Variants in STPG4 observed in about 807,000 individuals in gnomAD.
STPG4 encodes sperm-tail PG-rich repeat containing 4.
A neutral mutation model predicts 31.5 loss-of-function variants in STPG4; 41 were observed. The ratio of observed to expected loss-of-function variants is 1.30; its 90% CI spans 1.01 to 1.69. The LOEUF (loss-of-function observed/expected upper bound fraction) is 1.69. Ranked by LOEUF, STPG4 falls within the 40% of genes most tolerant of loss-of-function variation. The pLI, the probability that STPG4 is intolerant of heterozygous loss-of-function variation, is 0.00. For synonymous variants in STPG4, 141 were observed against 103.0 expected (o/e 1.37, Z -2.24); for missense variants, 375 against 293.4 (o/e 1.28, Z -2.03).
At chr2:47,102,288 T>C (rs150974172) in intron 5 of STPG4, among the ~76,000 whole-genome samples, 4,269 of 151,928 alleles carry the variant, frequency 0.028, 130 homozygotes, top group African/African-American at 0.054. Context: ...CGGGCGGTTT[T>C]GTCTTTCAGA....
In STPG4 at chr2:47,111,912, A is replaced by C. The variant is rs192268147; in HGVS notation, c.519+18029T>G. Reference sequence around the variant, plus strand: ...CAAATTCCTTACCAGTTGTTTCTCCACCTACACTGGGGGACAAAATATAAT... The same window carrying C: ...CAAATTCCTTACCAGTTGTTTCTCCCCCTACACTGGGGGACAAAATATAAT... On this transcript the variant is annotated intron_variant, in intron 5 of 6. Coordinates refer to ENST00000445927, the MANE Select transcript of STPG4 (RefSeq NM_001163561.2). Among the ~76,000 whole-genome samples, 21 of 152,310 alleles carry C rather than the reference A, an allele frequency of 1.4e-4. No homozygotes were observed. The East Asian group carries it at 4.0e-3, about 29-fold the overall frequency.
intron 5 of STPG4, among the ~76,000 whole-genome samples, chr2:47,104,873 G>A (rs1685873531): frequency 6.6e-6 from 1 of 151,748 alleles, no homozygotes; most frequent in African/African-American, 2.4e-5. Context: ...TTAGCCAGAG[G>A]GGCCAGGGCC....
intron 3 of STPG4, among the ~76,000 whole-genome samples, chr2:47,145,073 T>C (rs1686792636): frequency 6.6e-6 from 1 of 152,184 alleles, no homozygotes; most frequent in Admixed American, 6.5e-5. Context: ...AACAATATAG[T>C]AGGAAATTAC....
intron 6 of STPG4, among the ~76,000 whole-genome samples, chr2:47,087,769 G>C (rs1685484860): frequency 6.6e-6 from 1 of 151,934 alleles, no homozygotes; most frequent in Non-Finnish European, 1.5e-5. Context: ...ATTTTTTTGA[G>C]ACAGAGTCTC....
At chr2:47,100,810 G>A (rs1027206644) in intron 5 of STPG4, among the ~76,000 whole-genome samples, 1 of 151,692 alleles carries the variant, frequency 6.6e-6, no homozygotes, top group Non-Finnish European at 1.5e-5. Context: ...CTTCACTCCT[G>A]AGCCAGTGAT....
chr2:47,101,039 GTGAGACCATCGCCGAGCAA>G (rs920054119), intron 5 of STPG4, among the ~76,000 whole-genome samples: 1 of 151,850 alleles, frequency 6.6e-6, no homozygotes. Context: ...TCGCCAAGCG[GTGAGACCATCGCCGAGCAA>G]TGAGACCATC....
At chr2:47,089,593 T>C (rs984224378) in intron 6 of STPG4, among the ~76,000 whole-genome samples, 1 of 152,158 alleles carries the variant, frequency 6.6e-6, no homozygotes, top group African/African-American at 2.4e-5. Flanking sequence ...TTGGGGACTT[T>C]CAGACCGTAT....
chr2:47,152,063 G>C (rs546254158), intron 2 of STPG4, among the ~76,000 whole-genome samples: 3 of 151,978 alleles, frequency 2.0e-5, no homozygotes, highest in African/African-American at 7.3e-5. Flanking sequence ...AGGCCCGGCC[G>C]AAATTTAAGT....
chr2:47,090,395 T>G, intron 5 of STPG4, 21 bp from the exon 6 acceptor site: 4 of 1,452,266 alleles, frequency 2.8e-6, no homozygotes, highest in Non-Finnish European at 3.8e-6. Flanking sequence ...TTTAAAAAAT[T>G]GCTTCATTAT....
intron 5 of STPG4, among the ~76,000 whole-genome samples, chr2:47,113,009 A>G (rs1023405725): frequency 1.3e-5 from 2 of 150,784 alleles, no homozygotes; most frequent in African/African-American, 4.9e-5. Context: ...AAAAAAAAAA[A>G]AAAATCACAA....
At position 47,110,022 on chromosome 2, in the gene STPG4, C is replaced by T. The variant is rs559886124; in HGVS notation, c.520-19648G>A. ...TGTCAGGTTTTAAGAAATACAGAAA[C>T]GAAATATTTCTGACATCAAAGAAAC... On this transcript the variant is annotated intron_variant, in intron 5 of 6. Transcript: ENST00000445927. Among the ~76,000 whole-genome samples, 30 of 145,696 alleles carry T rather than the reference C, an allele frequency of 2.1e-4. 1 individual carries two copies. In the South Asian group the frequency reaches 2.7e-3, roughly 13 times the overall value.
At chr2:47,099,883 G>T (rs1685754482) in intron 5 of STPG4, among the ~76,000 whole-genome samples, 1 of 152,192 alleles carries the variant, frequency 6.6e-6, no homozygotes, top group Non-Finnish European at 1.5e-5. Context: ...CAGGCCAGCA[G>T]CTGCGGAGGG....
At chr2:47,144,048 T>A (rs368686703) in intron 3 of STPG4, among the ~76,000 whole-genome samples, 1 of 152,200 alleles carries the variant, frequency 6.6e-6, no homozygotes, top group Non-Finnish European at 1.5e-5. Flanking sequence ...TCTGGAACCA[T>A]GTTCTGACTG....
intron 5 of STPG4, among the ~76,000 whole-genome samples, chr2:47,112,645 G>C (rs571541875): frequency 3.3e-5 from 5 of 152,166 alleles, no homozygotes; most frequent in African/African-American, 1.2e-4. Flanking sequence ...TATTGCACCA[G>C]ATCTACAGCT....
At chr2:47,134,295 T>C (rs965424839) in intron 3 of STPG4, among the ~76,000 whole-genome samples, 4 of 152,242 alleles carry the variant, frequency 2.6e-5, no homozygotes, top group Non-Finnish European at 2.9e-5. Flanking sequence ...CAATGACATG[T>C]ATCCACTATT....
intron 5 of STPG4, among the ~76,000 whole-genome samples, chr2:47,107,611 C>G (rs1326212957): frequency 6.6e-6 from 1 of 152,150 alleles, no homozygotes; most frequent in Non-Finnish European, 1.5e-5. Flanking sequence ...ATGAGTGCCG[C>G]CCCCTGCTCC....
chr2:47,104,303 A>G (rs1426289121), intron 5 of STPG4, among the ~76,000 whole-genome samples: 1 of 152,036 alleles, frequency 6.6e-6, no homozygotes, highest in Non-Finnish European at 1.5e-5. Context: ...ACTGTTAAAC[A>G]TTTGAAAGCT....
intron 5 of STPG4, among the ~76,000 whole-genome samples, chr2:47,123,757 T>C (rs1266670651): frequency 6.6e-6 from 1 of 152,182 alleles, no homozygotes; most frequent in African/African-American, 2.4e-5. Context: ...ATGAGCAAAA[T>C]GTTAATCTTA....
chr2:47,154,117 A>G (rs1056374595), intron 1 of STPG4, among the ~76,000 whole-genome samples: 1 of 152,220 alleles, frequency 6.6e-6, no homozygotes, highest in Admixed American at 6.5e-5. Flanking sequence ...GACTGCATTA[A>G]AAGTAATAAT....
Sources: allele counts gnomAD v4.1 joint callset (sites outside exome capture counted in the v4.1 genomes callset), GRCh38; gene constraint gnomAD v4.1.1; transcripts MANE v1.5; gene names NCBI Gene and HGNC (gene_info 2026-07-23, HGNC 2026-07-21).